Variants in HTR4 observed in about 807,000 individuals in gnomAD.
HTR4 encodes 5-hydroxytryptamine receptor 4.
In HTR4, 16 loss-of-function variants were observed where a neutral mutation model predicts 36.8. The observed-to-expected ratio is 0.43, with a 90% CI of 0.29 to 0.66. HTR4 has a LOEUF of 0.66. Among genes scored for constraint, HTR4 ranks in the 30% least tolerant of loss-of-function variants. The pLI is 0.13. For synonymous variants in HTR4, 189 were observed against 185.1 expected (o/e 1.02, Z -0.17); for missense variants, 438 against 490.9 (o/e 0.89, Z 1.02).
intron 6 of HTR4, among the ~76,000 whole-genome samples, chr5:148,507,946 A>G (rs1757303685): frequency 6.6e-6 from 1 of 152,280 alleles, no homozygotes; most frequent in East Asian, 1.9e-4. Context: ...ACACTCCTGA[A>G]GGCATAATAA....
In HTR4 at chr5:148,550,128, G is replaced by A. The variant is rs769593125; in HGVS notation, c.152+9C>T. On this transcript the variant is annotated intron_variant, in intron 3 of 6. Transcript: ENST00000377888. ...ATGTTTCCTCAAAAGGTTCCCTCCT[G>A]CTGCTCACCTGAGCTGCCTGTCCCA... 1 of 1,613,794 alleles carries A rather than the reference G, an allele frequency of 6.2e-7. No homozygotes were observed. Among genetic ancestry groups the A allele is most frequent in the South Asian group, 1.1e-5 (1 of 91,044 alleles).
chr5:148,576,128 A>AAAAAAAAAAAAAAAAAAAAAAAAAC (rs1561629268), intron 2 of HTR4, among the ~76,000 whole-genome samples: 1 of 144,572 alleles, frequency 6.9e-6, no homozygotes, highest in African/African-American at 2.6e-5. Flanking sequence ...AAAAAAAAAA[A>AAAAAAAAAAAAAAAAAAAAAAAAAC]AAAAACAAAA....
intron 4 of HTR4, among the ~76,000 whole-genome samples, chr5:148,547,336 G>A (rs1206629504): frequency 2.0e-5 from 3 of 151,744 alleles, no homozygotes; most frequent in African/African-American, 4.8e-5. Context: ...AGTGATTGTC[G>A]GTGAAACCCC....
In HTR4 at chr5:148,524,089, G is replaced by A. The variant is rs12654138; in HGVS notation, c.354-743C>T. ...TCACCTGAGGAAGCCTTTTTAAAAT[G>A]CAGATCCCAAGGATCTCCTGAATCA... On this transcript the variant is annotated intron_variant, in intron 4 of 6. Coordinates refer to ENST00000377888, the MANE Select transcript of HTR4 (RefSeq NM_000870.7). 8.0e-3 allele frequency among the ~76,000 whole-genome samples: 1,219 copies of A among 151,802 alleles called. 14 individuals carry two copies. Among genetic ancestry groups the A allele is most frequent in the African/African-American group, 0.027 (1,132 of 41,326 alleles).
At chr5:148,653,929 C>T (rs2127322966) in intron 1 of HTR4, 133 bp downstream of exon 1, 1 of 471,186 alleles carries the variant, frequency 2.1e-6, no homozygotes, top group Non-Finnish European at 2.8e-6. Flanking sequence ...GCCCACCCTG[C>T]CGCAAAGCCG....
chr5:148,602,130 G>T (rs1288180879), intron 2 of HTR4, among the ~76,000 whole-genome samples: 1 of 152,102 alleles, frequency 6.6e-6, no homozygotes, highest in Admixed American at 6.5e-5. Context: ...CTTATGTTAA[G>T]TGTTCTTACC....
intron 2 of HTR4, among the ~76,000 whole-genome samples, chr5:148,621,202 A>G (rs1051866758): frequency 6.6e-6 from 1 of 152,256 alleles, no homozygotes; most frequent in Non-Finnish European, 1.5e-5. Flanking sequence ...AATTCCTAAC[A>G]AGAAATCAAT....
At chr5:148,578,699 C>A (rs964592015) in intron 2 of HTR4, among the ~76,000 whole-genome samples, 1 of 151,988 alleles carries the variant, frequency 6.6e-6, no homozygotes, top group Non-Finnish European at 1.5e-5. Flanking sequence ...TTCTGTGCTT[C>A]GGGTGTCTTA....
At chr5:148,523,479 G>A (rs544150856) in intron 4 of HTR4, 133 bp from the exon 5 acceptor site, 17 of 564,620 alleles carry the variant, frequency 3.0e-5, no homozygotes, top group African/African-American at 2.7e-4. Context: ...AAACATTGAG[G>A]AGAAGAGTCG....
At chr5:148,523,450 G>T in intron 4 of HTR4, 104 bp from the exon 5 acceptor site, 1 of 837,670 alleles carries the variant, frequency 1.2e-6, no homozygotes, top group Non-Finnish European at 1.8e-6. Flanking sequence ...AGGGGATGGA[G>T]CAAGGGATAG....
downstream of HTR4, among the ~76,000 whole-genome samples, chr5:148,473,362 G>A (rs535743949): frequency 2.0e-5 from 3 of 151,694 alleles, no homozygotes; most frequent in African/African-American, 7.3e-5. Context: ...GAAGTGGTGA[G>A]TAGTGAAAGA....
chr5:148,607,968 A>G (rs982627384), intron 2 of HTR4, among the ~76,000 whole-genome samples: 2 of 152,170 alleles, frequency 1.3e-5, no homozygotes, highest in South Asian at 2.1e-4. Flanking sequence ...GAGAATCCCA[A>G]TCAGAATACT....
intron 5 of HTR4, among the ~76,000 whole-genome samples, chr5:148,520,431 G>A (rs1280487172): frequency 6.6e-6 from 1 of 152,146 alleles, no homozygotes; most frequent in African/African-American, 2.4e-5. Context: ...TCCCTCATCA[G>A]AAGTTCCCAA....
At chr5:148,593,191 T>C (rs753642381) in intron 2 of HTR4, among the ~76,000 whole-genome samples, 10 of 152,188 alleles carry the variant, frequency 6.6e-5, no homozygotes, top group Non-Finnish European at 1.5e-4. Context: ...TCCTCTTTCA[T>C]GGGACTTTTC....
intron 2 of HTR4, among the ~76,000 whole-genome samples, chr5:148,596,895 T>C (rs565640717): frequency 6.6e-6 from 1 of 152,260 alleles, no homozygotes; most frequent in South Asian, 2.1e-4. Flanking sequence ...TGACTTTGTG[T>C]AGCTAATAGC....
Position 148,550,282 on chromosome 5 carries a change from A to G in HTR4, c.27-20T>C, listed in dbSNP as rs1248898171. ...TCAGAACTGAAAGACACACACAAGC[A>G]CAAAGAATTGAATGAAACTCTGGGA... On this transcript the variant is annotated intron_variant, in intron 2 of 6. Transcript: ENST00000377888. 1 of 1,613,350 alleles carries G rather than the reference A, an allele frequency of 6.2e-7. No individual in the cohort carries two copies. Among genetic ancestry groups the G allele is most frequent in the South Asian group, 1.1e-5 (1 of 90,878 alleles).
chr5:148,470,431 A>G (rs1561563963), intron 5 of HTR4, among the ~76,000 whole-genome samples: 2 of 152,250 alleles, frequency 1.3e-5, no homozygotes, highest in South Asian at 4.1e-4. Flanking sequence ...ACTATAGAAT[A>G]GGAGTTGCCA....
intron 6 of HTR4, chr5:148,484,324 T>C (rs1172418893): frequency 1.2e-6 from 2 of 1,613,258 alleles, no homozygotes; most frequent in Non-Finnish European, 1.7e-6. Flanking sequence ...GGACCCGCTC[T>C]GGCAGGCTTT....
intron 2 of HTR4, among the ~76,000 whole-genome samples, chr5:148,611,226 C>CA (rs1752412781): frequency 1.4e-5 from 2 of 148,088 alleles, no homozygotes; most frequent in African/African-American, 2.5e-5. Context: ...ACATAATTGT[C>CA]AGATTCACCA....
Sources: gnomAD v4.1 joint callset for allele counts (sites outside exome capture counted in the v4.1 genomes callset) on GRCh38, gnomAD v4.1.1 for gene constraint, MANE v1.5 for transcripts, NCBI Gene and HGNC (gene_info 2026-07-23, HGNC 2026-07-21) for gene names.